The following LAMA1 variants were observed in gnomAD, a reference collection of about 807,000 sequenced individuals.
LAMA1 encodes the protein laminin subunit alpha-1.
Under a neutral mutation model 348.7 loss-of-function variants are expected in LAMA1, and 219 were observed. The observed-to-expected ratio is 0.63, with a 90% CI of 0.56 to 0.70. LAMA1 has a LOEUF of 0.70. Ranked by LOEUF, LAMA1 falls within the 30% of genes least tolerant of loss-of-function variation. The pLI, the probability that LAMA1 is intolerant of heterozygous loss-of-function variation, is 0.00. For synonymous variants in LAMA1, 1,487 were observed against 1,491.0 expected, an observed-to-expected ratio of 1.00 and a Z score of 0.06; for missense variants, 3,744 against 3,888.0, an observed-to-expected ratio of 0.96 and a Z score of 0.99.
chr18:6,955,963 G>T, intron 56 of LAMA1: 1 of 315,568 alleles, frequency 3.2e-6, no homozygotes, highest in Non-Finnish European at 6.2e-6. Context: ...CAGGCGGGAA[G>T]GGCCCCTGAA....
intron 3 of LAMA1, among the ~76,000 whole-genome samples, chr18:7,053,006 C>T (rs1370234693): frequency 6.6e-6 from 1 of 152,104 alleles, no homozygotes; most frequent in African/African-American, 2.4e-5. Context: ...GGCAACAGAG[C>T]AAGACTCTGT....
At chr18:7,082,013 A>G (rs2058195187) in intron 1 of LAMA1, among the ~76,000 whole-genome samples, 1 of 152,202 alleles carries the variant, frequency 6.6e-6, no homozygotes, top group Non-Finnish European at 1.5e-5. Context: ...TCCATTATAA[A>G]TATTTTAAAT....
chr18:6,965,885 T>G, intron 49 of LAMA1: 1 of 477,866 alleles, frequency 2.1e-6, no homozygotes, highest in Admixed American at 3.8e-5. Context: ...AAATGTTGAA[T>G]TGATATCTAT....
rs138876938 is a variant in LAMA1 at position 7,095,029 on chromosome 18, A to G, written c.62-14572T>C. On this transcript the variant is annotated intron_variant, in intron 1 of 62. Coordinates refer to ENST00000389658, the MANE Select transcript of LAMA1 (RefSeq NM_005559.4). ...ATAGCAGTTCTCTCCAAATTGATCT[A>G]TAGATTCTATCCGATTCCAGCAATA... Among the ~76,000 whole-genome samples, 101 of 151,232 alleles carry G rather than the reference A, an allele frequency of 6.7e-4. 3 individuals are homozygous for G. In the East Asian group the frequency reaches 0.017, roughly 25 times the overall value.
At chr18:7,088,644 A>G (rs1351403575) in intron 1 of LAMA1, among the ~76,000 whole-genome samples, 1 of 151,962 alleles carries the variant, frequency 6.6e-6, no homozygotes, top group Non-Finnish European at 1.5e-5. Context: ...CAGCCTCCCG[A>G]GTACCTGGGG....
At chr18:6,958,373 A>T in intron 55 of LAMA1, 104 bp downstream of exon 55, 1 of 1,317,276 alleles carries the variant, frequency 7.6e-7, no homozygotes. Flanking sequence ...GGGAATTTGC[A>T]AAGTTTTCAA....
chr18:7,014,580 CAGTGAGCTTTGAT>C (rs2057877462), intron 22 of LAMA1, among the ~76,000 whole-genome samples: 2 of 101,130 alleles, frequency 2.0e-5, no homozygotes, highest in Non-Finnish European at 4.6e-5. Flanking sequence ...TTTGAGGATA[CAGTGAGCTTTGAT>C]GGTGTCACTG....
intron 49 of LAMA1, 183 bp from the exon 50 acceptor site, chr18:6,965,615 C>G: frequency 3.2e-6 from 2 of 624,390 alleles, no homozygotes; most frequent in South Asian, 3.8e-5. Context: ...GAACACTACA[C>G]TAATATAAAT....
At chr18:6,969,480 A>AT (rs1008000195) in intron 48 of LAMA1, among the ~76,000 whole-genome samples, 2 of 152,198 alleles carry the variant, frequency 1.3e-5, no homozygotes, top group African/African-American at 4.8e-5. Flanking sequence ...AAACATGCTT[A>AT]TTTTTTTAAC....
chr18:7,043,445 C>A, intron 7 of LAMA1, 40 bp from the exon 8 acceptor site: 1 of 1,550,032 alleles, frequency 6.5e-7, no homozygotes. Context: ...ATTTACATAG[C>A]ATGCCTTATA....
intron 1 of LAMA1, among the ~76,000 whole-genome samples, chr18:7,096,571 C>T (rs1568066466): frequency 6.6e-6 from 1 of 152,000 alleles, no homozygotes; most frequent in Non-Finnish European, 1.5e-5. Context: ...GGGAAGATCT[C>T]TTGAGCCCAG....
At chr18:7,106,583 C>T (rs1447308515) in intron 1 of LAMA1, among the ~76,000 whole-genome samples, 1 of 152,078 alleles carries the variant, frequency 6.6e-6, no homozygotes, top group Non-Finnish European at 1.5e-5. Flanking sequence ...TGGTTTCGAG[C>T]TCTTGACCTC....
At chr18:7,029,425 T>C (rs536790815) in intron 16 of LAMA1, among the ~76,000 whole-genome samples, 1 of 152,376 alleles carries the variant, frequency 6.6e-6, no homozygotes, top group East Asian at 1.9e-4. Context: ...GCAGAGTAAC[T>C]GCAATTTCAT....
rs776440368 is a variant in LAMA1, at chr18:6,958,438, C to G, written c.7964+39G>C. The G allele has an allele frequency of 2.5e-6, 4 of 1,604,476 alleles. No homozygotes were observed. In the East Asian group the frequency reaches 8.9e-5, roughly 36 times the overall value. On this transcript the variant is annotated intron_variant, in intron 55 of 62. Transcript: ENST00000389658. Reference sequence around the variant, plus strand: ...AGTGTTAGCACTCACCATGAAAGGTCAGAAAGTGCAAGAACATGCAGAGAG... The same window carrying G: ...AGTGTTAGCACTCACCATGAAAGGTGAGAAAGTGCAAGAACATGCAGAGAG...
intron 33 of LAMA1, 86 bp from the exon 34 acceptor site, chr18:6,995,532 G>A: frequency 1.3e-6 from 1 of 786,758 alleles, no homozygotes; most frequent in Non-Finnish European, 2.3e-6. Context: ...TTTCTTTTTT[G>A]TTCACAGAAA....
At chr18:7,008,795 A>T (rs2057845319) in intron 27 of LAMA1, among the ~76,000 whole-genome samples, 187 bp from the exon 28 acceptor site, 1 of 152,230 alleles carries the variant, frequency 6.6e-6, no homozygotes, top group African/African-American at 2.4e-5. Flanking sequence ...CACACTTTAG[A>T]CATTTTAGAA....
At chr18:6,988,188 A>G (rs1349864521) in intron 36 of LAMA1, among the ~76,000 whole-genome samples, 1 of 152,192 alleles carries the variant, frequency 6.6e-6, no homozygotes, top group East Asian at 1.9e-4. Context: ...CTAAACTACA[A>G]TCAGGTGAAA....
chr18:7,087,841 C>T (rs971767411), intron 1 of LAMA1, among the ~76,000 whole-genome samples: 7 of 152,070 alleles, frequency 4.6e-5, no homozygotes, highest in Admixed American at 3.3e-4. Context: ...ATGAGAAGCA[C>T]GGCACCCAGG....
chr18:7,004,381 T>C (rs1206701356), intron 29 of LAMA1, among the ~76,000 whole-genome samples: 1 of 152,132 alleles, frequency 6.6e-6, no homozygotes, highest in African/African-American at 2.4e-5. Context: ...AGGTGGAGTT[T>C]CGCTCCTGTT....
Sources: allele counts gnomAD v4.1 joint callset (sites outside exome capture counted in the v4.1 genomes callset), GRCh38; gene constraint gnomAD v4.1.1; transcripts MANE v1.5; gene names NCBI Gene and HGNC (gene_info 2026-07-23, HGNC 2026-07-21).